Variants in SPADH observed in about 807,000 individuals in gnomAD.
SPADH encodes the protein CUB domain-containing protein.
At chr10:122,678,489 C>T in the SPADH span, among the ~76,000 whole-genome samples, 4 of 152,196 alleles carry the variant, frequency 2.6e-5, no homozygotes, top group Non-Finnish European at 2.9e-5. Flanking sequence ...TACCACTCTG[C>T]TGGCTGCATT....
chr10:122,678,207 A>G, the SPADH span, among the ~76,000 whole-genome samples: 1 of 152,084 alleles, frequency 6.6e-6, no homozygotes, highest in Admixed American at 6.5e-5. Context: ...GGAGATTAGG[A>G]CTGGAAAAGC....
chr10:122,676,310 T>C, the SPADH span, among the ~76,000 whole-genome samples: 3 of 152,318 alleles, frequency 2.0e-5, no homozygotes, highest in African/African-American at 7.2e-5. Flanking sequence ...TGAGGCATCA[T>C]TGAACCTCAA....
At chr10:122,673,541 G>A in the SPADH span, among the ~76,000 whole-genome samples, 1 of 152,188 alleles carries the variant, frequency 6.6e-6, no homozygotes, top group Non-Finnish European at 1.5e-5. Context: ...TGGGAATTGT[G>A]TCAACTGCAT....
chr10:122,672,967 C>G, the SPADH span: 1 of 980,264 alleles, frequency 1.0e-6, no homozygotes, highest in Non-Finnish European at 1.2e-6. Flanking sequence ...GGGCCTCGCA[C>G]TGTTTTCCTT....
chr10:122,675,860 A>G, the SPADH span, among the ~76,000 whole-genome samples: 27 of 151,944 alleles, frequency 1.8e-4, no homozygotes, highest in Admixed American at 9.2e-4. Context: ...GCTCCCCTCC[A>G]TGAGACTCCT....
At chr10:122,673,054 TC>T in the SPADH span, 1 of 360,278 alleles carries the variant, frequency 2.8e-6, no homozygotes, top group Non-Finnish European at 3.9e-6. Context: ...GATACTCTCT[TC>T]CATACAGAAT....
the SPADH span, chr10:122,675,740 C>A: frequency 1.7e-6 from 1 of 605,674 alleles, no homozygotes; most frequent in Non-Finnish European, 2.1e-6. Context: ...GGGTTGAAAT[C>A]CAAATGGATC....
At chr10:122,677,891 G>A in the SPADH span, among the ~76,000 whole-genome samples, 1 of 152,210 alleles carries the variant, frequency 6.6e-6, no homozygotes. Flanking sequence ...AGGAGAGAAG[G>A]AGCTTGAGGA....
At chr10:122,673,321 G>T in the SPADH span, among the ~76,000 whole-genome samples, 1 of 152,336 alleles carries the variant, frequency 6.6e-6, no homozygotes, top group South Asian at 2.1e-4. Flanking sequence ...CTTGGTGAGG[G>T]TGCCCTGCAT....
At chr10:122,676,114 C>A in the SPADH span, among the ~76,000 whole-genome samples, 2 of 152,250 alleles carry the variant, frequency 1.3e-5, no homozygotes, top group African/African-American at 2.4e-5. Context: ...CTACGAGCTT[C>A]TCCGTGAGGA....
the SPADH span, among the ~76,000 whole-genome samples, chr10:122,678,582 C>A: frequency 6.6e-6 from 1 of 152,140 alleles, no homozygotes; most frequent in East Asian, 1.9e-4. Context: ...GCTGGGCTCC[C>A]TGGAAGACAT....
the SPADH span, among the ~76,000 whole-genome samples, chr10:122,677,746 G>C: frequency 6.6e-6 from 1 of 152,140 alleles, no homozygotes. Context: ...ATCCCACTAC[G>C]TTATGCAGGA....
At chr10:122,673,055 C>G in the SPADH span, 1 of 356,464 alleles carries the variant, frequency 2.8e-6, no homozygotes, top group Non-Finnish European at 3.9e-6. Context: ...ATACTCTCTT[C>G]CATACAGAAT....
the SPADH span, chr10:122,676,896 G>A: frequency 3.0e-6 from 3 of 985,356 alleles, no homozygotes; most frequent in Non-Finnish European, 3.6e-6. Flanking sequence ...CCTCAAGTGA[G>A]TACTGGGGTT....
the SPADH span, among the ~76,000 whole-genome samples, chr10:122,676,207 T>C: frequency 6.6e-6 from 1 of 152,342 alleles, no homozygotes; most frequent in Admixed American, 6.5e-5. Context: ...GTTTAACCAG[T>C]TGCTGGGCAC....
chr10:122,674,783 T>C, the SPADH span, among the ~76,000 whole-genome samples: 1 of 152,246 alleles, frequency 6.6e-6, no homozygotes, highest in African/African-American at 2.4e-5. Flanking sequence ...CATTGGGCCA[T>C]GGGCTCGTGC....
the SPADH span, chr10:122,673,007 A>G: frequency 1.2e-6 from 1 of 852,502 alleles, no homozygotes; most frequent in Non-Finnish European, 1.4e-6. Flanking sequence ...AAATTTGCTT[A>G]TTGCCAAGGA....
chr10:122,673,485 G>A, the SPADH span, among the ~76,000 whole-genome samples: 48,368 of 152,066 alleles, frequency 0.32, 7,939 homozygotes, highest in African/African-American at 0.38. Flanking sequence ...CTGGCTGGGA[G>A]TGCCTGGAAG....
the SPADH span, among the ~76,000 whole-genome samples, chr10:122,677,194 C>A: frequency 2.6e-5 from 4 of 152,184 alleles, no homozygotes; most frequent in Non-Finnish European, 1.5e-5. Flanking sequence ...CCTGGACACA[C>A]CAGAGTCCAG....
Sources: gnomAD v4.1 joint callset for allele counts (sites outside exome capture counted in the v4.1 genomes callset) on GRCh38, gnomAD v4.1.1 for gene constraint, MANE v1.5 for transcripts, NCBI Gene and HGNC (gene_info 2026-07-23, HGNC 2026-07-21) for gene names.